Variants in NWD1 observed in about 807,000 individuals in gnomAD.
NWD1 encodes NACHT domain- and WD repeat-containing protein 1.
A neutral mutation model predicts 135.1 loss-of-function variants in NWD1; 129 were observed. The ratio of observed to expected loss-of-function variants is 0.96; its 90% CI spans 0.83 to 1.11. The LOEUF is 1.11. Among genes scored for constraint, NWD1 ranks in the 50% least tolerant of loss-of-function variants. The pLI, the probability that NWD1 is intolerant of heterozygous loss-of-function variation, is 0.00. For missense variants in NWD1, 1,740 were observed against 1,851.3 expected, an observed-to-expected ratio of 0.94 and a Z score of 1.10; for synonymous variants, 773 against 786.0, an observed-to-expected ratio of 0.98 and a Z score of 0.28.
chr19:16,779,262 G>T, intron 11 of NWD1, 81 bp from the exon 12 acceptor site: 1 of 1,490,166 alleles, frequency 6.7e-7, no homozygotes, highest in South Asian at 1.1e-5. Flanking sequence ...CTGTGAAGTG[G>T]GGGGCTCATT....
chr19:16,758,541 T>G (rs528531486), intron 6 of NWD1, among the ~76,000 whole-genome samples: 1 of 152,232 alleles, frequency 6.6e-6, no homozygotes, highest in South Asian at 2.1e-4. Flanking sequence ...CCTCCCAAAG[T>G]GCAGGGATTA....
chr19:16,800,108 T>C lies in NWD1; in HGVS notation c.3682T>C (p.Tyr1228His), dbSNP rs1421007771. ...AGTGTCCCACAATGGAAGCTACGTC[T>C]ACTTCCCCAAAATTGGGGACAAAAA... ...TAVSHNGSYV[Y>H]FPKIGDKNKV... The change falls in exon 17 of 19, where the codon TAC becomes CAC. Residue 1228 changes from tyrosine (Y) to histidine (H), a missense_variant. Tyr to His is a moderately conservative substitution (Grantham distance 83, BLOSUM62 2). Transcript: ENST00000524140. 3 of 1,613,992 alleles carry C rather than the reference T, an allele frequency of 1.9e-6. No homozygotes were observed. The highest frequency in any genetic ancestry group is 2.7e-5 in the African/African-American group (2 of 75,066).
chr19:16,792,940 G>C (rs1032929102), intron 14 of NWD1, among the ~76,000 whole-genome samples: 5 of 148,296 alleles, frequency 3.4e-5, no homozygotes. Flanking sequence ...AGCTACTTGA[G>C]AGGCTGATGT....
At chr19:16,769,410 C>A (rs888211796) in intron 10 of NWD1, among the ~76,000 whole-genome samples, 2 of 151,512 alleles carry the variant, frequency 1.3e-5, no homozygotes, top group Non-Finnish European at 2.9e-5. Context: ...TGCAGTGAGC[C>A]GGGATCACAC....
chr19:16,749,195 G>T lies in NWD1; in HGVS notation c.553G>T (p.Ala185Ser). ...LLSSEDREQGATVFLREIQDL... is the reference protein window; with the variant it reads ...LLSSEDREQGSTVFLREIQDL... Reference sequence around the variant, plus strand: ...GAGCTCAGAGGACCGGGAACAGGGAGCCACCGTCTTCCTTAGAGAGATCCA... The same window carrying T: ...GAGCTCAGAGGACCGGGAACAGGGATCCACCGTCTTCCTTAGAGAGATCCA... Residue 185 changes from alanine (A) to serine (S), a missense_variant, in exon 6 of 19, where the codon GCC becomes TCC. By Grantham distance (99) the Ala-to-Ser change is moderately conservative. Coordinates refer to ENST00000524140, the MANE Select transcript of NWD1 (RefSeq NM_001007525.5). The T allele has an allele frequency of 1.2e-6, 2 of 1,613,726 alleles. No homozygotes were observed. The highest frequency in any genetic ancestry group is 1.7e-6 in the Non-Finnish European group (2 of 1,179,796).
At chr19:16,814,991 AT>A (rs1404783705) in intron 18 of NWD1, 36 bp from the exon 19 acceptor site, 1 of 1,599,462 alleles carries the variant, frequency 6.3e-7, no homozygotes, top group East Asian at 2.2e-5. Flanking sequence ...TCTACACCCC[AT>A]TTTTCTCATT....
chr19:16,810,255 T>A (rs1189605883), intron 18 of NWD1, among the ~76,000 whole-genome samples: 1 of 148,818 alleles, frequency 6.7e-6, no homozygotes, highest in African/African-American at 2.5e-5. Context: ...CTAGCCAACA[T>A]GGTGAAACCC....
rs796841379 is a variant in NWD1 at position 16,811,572 on chromosome 19, G to A, written c.4287+3436G>A. On this transcript the variant is annotated intron_variant, in intron 18 of 18. Transcript: ENST00000524140. ...GCACTTCAGCCAGGGCAACAAGAGCGAGACTCTGTCTCAGAAAAAAAAAAA... is the reference window on the plus strand; with the variant it reads ...GCACTTCAGCCAGGGCAACAAGAGCAAGACTCTGTCTCAGAAAAAAAAAAA... 8.4e-5 allele frequency among the ~76,000 whole-genome samples: 12 copies of A among 143,150 alleles called. 1 individual carries two copies. The highest frequency in any genetic ancestry group is 2.3e-4 in the African/African-American group (9 of 38,492). The allele number at this position is 143,150 out of a possible 152,430, so 93.9% of individuals were successfully genotyped here.
At chr19:16,772,120 C>T (rs1273134442) in intron 10 of NWD1, among the ~76,000 whole-genome samples, 1 of 152,068 alleles carries the variant, frequency 6.6e-6, no homozygotes, top group South Asian at 2.1e-4. Context: ...AATTCCAGAG[C>T]TTTGAGGGGT....
intron 17 of NWD1, among the ~76,000 whole-genome samples, chr19:16,800,803 T>C (rs1354549014): frequency 6.6e-6 from 1 of 152,142 alleles, no homozygotes; most frequent in Non-Finnish European, 1.5e-5. Flanking sequence ...GTCACTCTGC[T>C]ACAGTTCGGA....
intron 12 of NWD1, among the ~76,000 whole-genome samples, chr19:16,785,425 C>T (rs1049913057): frequency 1.3e-5 from 2 of 151,830 alleles, no homozygotes; most frequent in African/African-American, 2.4e-5. Flanking sequence ...GCAGGAGAAT[C>T]GCTTGAATCC....
At chr19:16,731,421 C>T (rs1967559323) in intron 3 of NWD1, 143 bp downstream of exon 3, 1 of 573,802 alleles carries the variant, frequency 1.7e-6, no homozygotes, top group South Asian at 2.0e-5. Flanking sequence ...ATTCTCCTGC[C>T]TCAGCCTCCT....
intron 4 of NWD1, among the ~76,000 whole-genome samples, chr19:16,737,870 C>T (rs915717337): frequency 1.3e-5 from 2 of 151,698 alleles, no homozygotes; most frequent in Non-Finnish European, 2.9e-5. Context: ...GAGGCTGAGG[C>T]AGGAGAATTG....
At position 16,815,535 on chromosome 19, in the gene NWD1, T is replaced by TA. The variant is rs1971045397; in HGVS notation, c.*497dup. On this transcript the variant is annotated 3_prime_UTR_variant, in exon 19 of 19. Transcript: ENST00000524140. The stretch of plus-strand genomic sequence containing the variant: ...ATTCTCAGACTTGCCACCCCCAGGT[T>TA]AGCAACATGGTGGCCAATATGCTGC... The TA allele has an allele frequency of 1.9e-6, 1 of 536,302 alleles. No homozygotes were observed. The highest frequency in any genetic ancestry group is 3.3e-6 in the Non-Finnish European group (1 of 303,468). 33.2% of individuals were successfully genotyped at this position (536,302 alleles called of 1,614,324 possible).
chr19:16,778,494 C>CTTTTTTTTTTTTT (rs11307621), intron 11 of NWD1, among the ~76,000 whole-genome samples: 7 of 107,570 alleles, frequency 6.5e-5, no homozygotes, highest in South Asian at 5.7e-4. Flanking sequence ...TCTTCTTCTT[C>CTTTTTTTTTTTTT]TTTTTTTTTT....
At chr19:16,764,528 A>G (rs2122899914) in intron 9 of NWD1, among the ~76,000 whole-genome samples, 1 of 151,068 alleles carries the variant, frequency 6.6e-6, no homozygotes, top group Non-Finnish European at 1.5e-5. Flanking sequence ...TCCATCCATC[A>G]TTCTATCTAT....
At chr19:16,752,744 C>A (rs1047295948) in intron 6 of NWD1, among the ~76,000 whole-genome samples, 2 of 152,016 alleles carry the variant, frequency 1.3e-5, no homozygotes, top group African/African-American at 4.8e-5. Context: ...CACCCGTAAT[C>A]CCAGCACTTT....
intron 6 of NWD1, among the ~76,000 whole-genome samples, chr19:16,755,918 A>G (rs939361779): frequency 1.3e-5 from 2 of 152,110 alleles, no homozygotes; most frequent in Admixed American, 1.3e-4. Context: ...ACGTACCTCA[A>G]AATTGATGTA....
intron 5 of NWD1, chr19:16,745,171 G>A (rs936673240): frequency 4.1e-5 from 17 of 419,412 alleles, no homozygotes; most frequent in Admixed American, 3.5e-4. Flanking sequence ...AGAGCCAAGC[G>A]AAAGGGGAAA....
Sources: gnomAD v4.1 joint callset for allele counts (sites outside exome capture counted in the v4.1 genomes callset) on GRCh38, gnomAD v4.1.1 for gene constraint, MANE v1.5 for transcripts, NCBI Gene and HGNC (gene_info 2026-07-23, HGNC 2026-07-21) for gene names.